Variants in FUS observed in about 807,000 individuals in gnomAD.
FUS encodes FUS RNA binding protein, also known as RNA-binding protein FUS.
A neutral mutation model predicts 82.7 loss-of-function variants in FUS; 5 were observed. That is an observed-to-expected ratio of 0.06 (90% CI 0.03 to 0.13). The LOEUF is 0.13. Ranked by LOEUF, FUS falls within the 10% of genes least tolerant of loss-of-function variation. FUS has a pLI of 1.00. For missense variants in FUS, 512 were observed against 707.8 expected, an observed-to-expected ratio of 0.72 and a Z score of 3.14; for synonymous variants, 281 against 247.4, an observed-to-expected ratio of 1.14 and a Z score of -1.27.
chr16:31,186,831 TTGG>T lies in FUS; in HGVS notation c.799_799+2del. The T allele has an allele frequency of 6.2e-7, 1 of 1,614,102 alleles. No individual in the cohort carries two copies. The highest frequency in any genetic ancestry group is 8.5e-7 in the Non-Finnish European group (1 of 1,179,912). Reference sequence around the variant, plus strand: ...AGTGACCGTGGTGGCTTCAATAAATTTGGTGGTAAGTGAACAGAGTTTCCAAAA... The same window carrying T: ...AGTGACCGTGGTGGCTTCAATAAATTTGGTAAGTGAACAGAGTTTCCAAAA... On this transcript the variant is annotated inframe_deletion and splice_region_variant, in exon 7 of 15. Transcript: ENST00000254108.
At position 31,191,454 on chromosome 16, in the gene FUS, A is replaced by G; in HGVS notation, c.*16A>G. 1.9e-6 allele frequency: 3 copies of G among 1,611,150 alleles called. No homozygotes were observed. Among genetic ancestry groups the G allele is most frequent in the Non-Finnish European group, 2.5e-6 (3 of 1,179,368 alleles). ...GCCGTATTAATTAGCCTGGCTCCCC[A>G]GGTTCTGGAACAGCTTTTTGTCCTG... On this transcript the variant is annotated 3_prime_UTR_variant, in exon 15 of 15. Transcript: ENST00000254108.
downstream of FUS, chr16:31,194,545 A>G (rs1032159685): frequency 2.0e-6 from 1 of 499,458 alleles, no homozygotes; most frequent in Non-Finnish European, 3.9e-6. Flanking sequence ...GGCTCAAGTG[A>G]TTGTCCCACT....
At chr16:31,190,911 C>T (rs182765771) in intron 13 of FUS, 52 bp from the exon 14 acceptor site, 113 of 1,612,418 alleles carry the variant, frequency 7.0e-5, no homozygotes, top group African/African-American at 2.3e-4. Flanking sequence ...CGGGGAGGCT[C>T]GGGGAACATA....
Sources: allele counts gnomAD v4.1 joint callset, GRCh38; gene constraint gnomAD v4.1.1; transcripts MANE v1.5; gene names NCBI Gene and HGNC (gene_info 2026-07-23, HGNC 2026-07-21).